Variants in FMO2 observed in about 807,000 individuals in gnomAD.
FMO2 encodes the protein flavin containing dimethylaniline monoxygenase 2.
FMO2 carries 33 observed loss-of-function variants against 41.6 expected under a neutral mutation model. The observed-to-expected ratio is 0.79, with a 90% confidence interval of 0.60 to 1.06. The LOEUF (loss-of-function observed/expected upper bound fraction) is 1.06. Among genes scored for constraint, FMO2 ranks in the 50% least tolerant of loss-of-function variants. The pLI is 0.00. For synonymous variants in FMO2, 214 were observed against 219.6 expected (o/e 0.97, Z 0.23); for missense variants, 619 against 632.9 (o/e 0.98, Z 0.23).
chr1:171,210,690 T>G lies in FMO2; in HGVS notation c.*1545T>G, dbSNP rs984962986. ...TTCTCCTCTTATTTCTACCAAGCCT[T>G]TGTGAACATTGCTCTTCATTTTGGC... On this transcript the variant is annotated 3_prime_UTR_variant, in exon 9 of 9. Transcript: ENST00000209929. 6 of 152,232 alleles carry G rather than the reference T, an allele frequency of 3.9e-5. No individual in the cohort carries two copies. Among genetic ancestry groups the G allele is most frequent in the Admixed American group, 1.3e-4 (2 of 15,272 alleles). The allele number at this position is 152,232 out of a possible 1,614,324, so 9.4% of individuals were successfully genotyped here.
chr1:171,203,811 C>A lies in FMO2; in HGVS notation c.628-54C>A, dbSNP rs573049950. On this transcript the variant is annotated intron_variant, in intron 5 of 8. Transcript: ENST00000209929. ...TGATACATGACCTTCATAGTAGATT[C>A]CTCCTAAACGGGACAATGCCCTAAT... 1.8e-5 allele frequency: 26 copies of A among 1,478,908 alleles called. No homozygotes were observed. In the East Asian group the frequency reaches 5.5e-4, roughly 31 times the overall value. The allele number at this position is 1,478,908 out of a possible 1,614,324, so 91.6% of individuals were successfully genotyped here. A position where few individuals can be genotyped will look rare whatever the true frequency, so the allele number is the denominator to read the frequency against.
rs1410256600 is a variant in FMO2 at position 171,191,332 on chromosome 1, G to A, written c.133-2003G>A. Among the ~76,000 whole-genome samples, 8 of 152,296 alleles carry A rather than the reference G, an allele frequency of 5.3e-5. No individual in the cohort carries two copies. In the East Asian group the frequency reaches 1.5e-3, roughly 29 times the overall value. On this transcript the variant is annotated intron_variant, in intron 2 of 8. Coordinates refer to ENST00000209929, the MANE Select transcript of FMO2 (RefSeq NM_001460.5). The stretch of plus-strand genomic sequence containing the variant: ...AAATTCCCTTAAAATTGACCTGATA[G>A]AGAAGCCAACCACATTTTTAAGCCA...
chr1:171,199,780 A>G (rs1191364336), intron 5 of FMO2, among the ~76,000 whole-genome samples: 1 of 152,120 alleles, frequency 6.6e-6, no homozygotes, highest in Non-Finnish European at 1.5e-5. Context: ...CCTTTCATCA[A>G]CATGGCTCAC....
chr1:171,188,764 A>G (rs1657957787), intron 2 of FMO2: 1 of 152,204 alleles, frequency 6.6e-6, no homozygotes, highest in Non-Finnish European at 1.5e-5. Context: ...GGTGGTGACA[A>G]GTTAACAATA....
At chr1:171,185,986 A>T (rs924965136) in intron 2 of FMO2, 141 bp downstream of exon 2, 2 of 914,658 alleles carry the variant, frequency 2.2e-6, no homozygotes, top group Non-Finnish European at 3.3e-6. Flanking sequence ...GCCATAATGG[A>T]ACTGAAGTCA....
At chr1:171,208,521 T>C (rs1022822010) in intron 8 of FMO2, among the ~76,000 whole-genome samples, 2 of 152,166 alleles carry the variant, frequency 1.3e-5, no homozygotes, top group African/African-American at 4.8e-5. Flanking sequence ...TGCCTGGAGA[T>C]TTGCCACCGC....
rs756686045 is a variant in FMO2, at chr1:171,203,879, C to T, written c.642C>T (p.Thr214=). ...SKNAAQVFIS[T]RHGTWVMSRI... ...TTGCTTGCCAGGTTTTTATCAGCAC[C>T]AGGCATGGCACCTGGGTCATGAGCC... Residue 214 remains threonine (T), a synonymous_variant, in exon 6 of 9, where the codon ACC becomes ACT. Coordinates refer to ENST00000209929, the MANE Select transcript of FMO2 (RefSeq NM_001460.5). 2 of 1,613,434 alleles carry T rather than the reference C, an allele frequency of 1.2e-6. No homozygotes were observed. The highest frequency in any genetic ancestry group is 1.7e-6 in the Non-Finnish European group (2 of 1,179,580).
At chr1:171,192,100 A>G (rs569629689) in intron 2 of FMO2, among the ~76,000 whole-genome samples, 2 of 152,148 alleles carry the variant, frequency 1.3e-5, no homozygotes, top group African/African-American at 4.8e-5. Context: ...AATATTTTCC[A>G]TTTTGAGAAC....
Position 171,185,855 on chromosome 1 carries a change from A to AT in FMO2, c.132+14dup. The AT allele has an allele frequency of 6.2e-7, 1 of 1,613,246 alleles. No individual in the cohort carries two copies. Among genetic ancestry groups the AT allele is most frequent in the Non-Finnish European group, 8.5e-7 (1 of 1,179,438 alleles). ...AGTGTGGAGGTTCAAAGTAAGTGAG[A>AT]TTTTCTTGGGTCTTGAACAGGTTGT... On this transcript the variant is annotated intron_variant, in intron 2 of 8. Transcript: ENST00000209929.
intron 5 of FMO2, among the ~76,000 whole-genome samples, chr1:171,202,627 C>T (rs150218125): frequency 6.6e-6 from 1 of 152,194 alleles, no homozygotes; most frequent in Middle Eastern, 3.2e-3. Flanking sequence ...ACTGTTAATA[C>T]CCCCATTTTA....
chr1:171,201,956 A>T (rs780413604), intron 5 of FMO2, among the ~76,000 whole-genome samples: 3 of 152,140 alleles, frequency 2.0e-5, no homozygotes, highest in Non-Finnish European at 4.4e-5. Context: ...ACACGTGGGG[A>T]TTATTATAAT....
intron 2 of FMO2, 134 bp downstream of exon 2, chr1:171,185,979 A>G (rs1571265988): frequency 1.0e-6 from 1 of 992,852 alleles, no homozygotes; most frequent in Non-Finnish European, 1.5e-6. Context: ...TGATGTGGCC[A>G]TAATGGAACT....
At position 171,196,779 on chromosome 1, in the gene FMO2, T is replaced by G. The variant is rs746396695; in HGVS notation, c.452T>G (p.Ile151Ser). 1.2e-6 allele frequency: 2 copies of G among 1,613,632 alleles called. No homozygotes were observed. Among genetic ancestry groups the G allele is most frequent in the Non-Finnish European group, 1.7e-6 (2 of 1,179,842 alleles). Reference protein sequence around the residue: ...DAVMVCSGHHILPHIPLKSFP... With the variant: ...DAVMVCSGHHSLPHIPLKSFP... ...GTTATGGTTTGCAGTGGCCACCACA[T>G]TCTACCTCATATCCCACTGAAGTCA... The change falls in exon 4 of 9, where the codon ATT becomes AGT. Residue 151 changes from isoleucine to serine, a missense_variant. Ile to Ser is a moderately radical substitution (Grantham distance 142). Coordinates refer to ENST00000209929, the MANE Select transcript of FMO2 (RefSeq NM_001460.5).
At chr1:171,193,585 A>G (rs1437206943) in intron 3 of FMO2, 62 bp downstream of exon 3, 9 of 1,079,656 alleles carry the variant, frequency 8.3e-6, no homozygotes, top group Non-Finnish European at 1.1e-5. Flanking sequence ...TAGATAGAAA[A>G]GTTACTCTGA....
chr1:171,201,195 A>T (rs1658520998), intron 5 of FMO2, among the ~76,000 whole-genome samples: 1 of 152,148 alleles, frequency 6.6e-6, no homozygotes. Flanking sequence ...ATGCCACTAG[A>T]TGCCCCCTTT....
At chr1:171,195,807 A>G (rs1349570474) in intron 3 of FMO2, among the ~76,000 whole-genome samples, 2 of 152,162 alleles carry the variant, frequency 1.3e-5, no homozygotes, top group Non-Finnish European at 2.9e-5. Context: ...AAAAAAATCA[A>G]TGAACCAATA....
At chr1:171,190,784 G>A (rs1658049213) in intron 2 of FMO2, among the ~76,000 whole-genome samples, 1 of 152,162 alleles carries the variant, frequency 6.6e-6, no homozygotes, top group Non-Finnish European at 1.5e-5. Flanking sequence ...ACTAAATGTA[G>A]AAGGAAGCAC....
intron 5 of FMO2, among the ~76,000 whole-genome samples, chr1:171,203,323 T>TCTCACACACA (rs1553239438): frequency 6.9e-5 from 10 of 143,960 alleles, no homozygotes; most frequent in Non-Finnish European, 1.2e-4. Context: ...AGACCCTGTC[T>TCTCACACACA]CACACACACA....
intron 5 of FMO2, 31 bp from the exon 6 acceptor site, chr1:171,203,834 A>T: frequency 6.3e-7 from 1 of 1,596,866 alleles, no homozygotes; most frequent in Non-Finnish European, 8.6e-7. Context: ...ACAATGCCCT[A>T]ATTTAAACTG....
Sources: allele counts gnomAD v4.1 joint callset (sites outside exome capture counted in the v4.1 genomes callset), GRCh38; gene constraint gnomAD v4.1.1; transcripts MANE v1.5; gene names NCBI Gene and HGNC (gene_info 2026-07-23, HGNC 2026-07-21).